The following RPL21 variants were observed in gnomAD, a reference collection of about 807,000 sequenced individuals.
RPL21 encodes large ribosomal subunit protein eL21.
Under a neutral mutation model 21.2 loss-of-function variants are expected in RPL21, and 1 was observed. The ratio of observed to expected loss-of-function variants is 0.05; its 90% CI spans 0.02 to 0.22. The LOEUF is 0.22. Ranked by LOEUF, RPL21 falls within the 10% of genes least tolerant of loss-of-function variation. The probability of loss-of-function intolerance (pLI) is 1.00; values close to 1 mark genes in which losing one functional copy is unlikely to be tolerated. For synonymous variants in RPL21, 52 were observed against 62.9 expected (o/e 0.83, Z 0.82); for missense variants, 113 against 199.4 (o/e 0.57, Z 2.61).
intron 4 of RPL21, chr13:27,255,642 G>C: frequency 2.0e-6 from 1 of 494,788 alleles, no homozygotes; most frequent in Non-Finnish European, 3.9e-6. Context: ...TGGGATCTCT[G>C]CTCTCTGCAA....
rs772442788 is a variant in RPL21, at chr13:27,255,373, C to G, written c.242+19C>G. The stretch of plus-strand genomic sequence containing the variant: ...AAGTTAAGTAAGTAGTGTTGTAGTT[C>G]TTTGTGGCTAACCAGTATTCCCTCA... On this transcript the variant is annotated intron_variant, in intron 4 of 5. Transcript: ENST00000311549. 2 of 981,726 alleles carry G rather than the reference C, an allele frequency of 2.0e-6. No individual in the cohort carries two copies. The highest frequency in any genetic ancestry group is 1.7e-6 in the Non-Finnish European group (1 of 602,238). 60.8% of individuals were successfully genotyped at this position (981,726 alleles called of 1,614,324 possible).
chr13:27,254,720 T>C (rs776663415), intron 3 of RPL21, among the ~76,000 whole-genome samples: 2 of 152,134 alleles, frequency 1.3e-5, no homozygotes, highest in Non-Finnish European at 2.9e-5. Context: ...AAGGGGTTTC[T>C]CCATGTTGGT....
rs529124391 is a variant in RPL21, at chr13:27,254,178, T to G, written c.68-42T>G. 1.2e-5 allele frequency: 15 copies of G among 1,226,944 alleles called. No individual in the cohort carries two copies. The South Asian group carries it at 1.8e-4, about 15-fold the overall frequency. The allele number at this position is 1,226,944 out of a possible 1,614,324, so 76.0% of individuals were successfully genotyped here. ...AAAATTGCATTTCTTTTACTCTAGA[T>G]TTTTAGCCTTAATACTCACTATACC... On this transcript the variant is annotated intron_variant, in intron 2 of 5. Transcript: ENST00000311549.
intron 1 of RPL21, among the ~76,000 whole-genome samples, chr13:27,252,594 A>C (rs967508141): frequency 1.3e-5 from 2 of 151,854 alleles, no homozygotes; most frequent in Non-Finnish European, 2.9e-5. Context: ...TGGTGATTCC[A>C]CAAAGTGACT....
At position 27,255,236 on chromosome 13, in the gene RPL21, T is replaced by C. The variant is rs748392465; in HGVS notation, c.130-6T>C. On this transcript the variant is annotated splice_polypyrimidine_tract_variant and splice_region_variant and intron_variant, in intron 3 of 5. Transcript: ENST00000311549. ...TGCTGGTATATAACATTGGTTTCTTTAATAGGGAATGGGTACTGTTCAAAA... is the reference window on the plus strand; with the variant it reads ...TGCTGGTATATAACATTGGTTTCTTCAATAGGGAATGGGTACTGTTCAAAA... The C allele has an allele frequency of 5.1e-6, 6 of 1,186,660 alleles. No homozygotes were observed. The highest frequency in any genetic ancestry group is 4.5e-5 in the African/African-American group (3 of 66,462). 73.5% of individuals were successfully genotyped at this position (1,186,660 alleles called of 1,614,324 possible).
chr13:27,254,086 G>T (rs1881774435), intron 2 of RPL21, 134 bp from the exon 3 acceptor site: 1 of 727,568 alleles, frequency 1.4e-6, no homozygotes, highest in Non-Finnish European at 2.5e-6. Flanking sequence ...GCTGTCAGGA[G>T]AAATTGTCCA....
intron 3 of RPL21, chr13:27,254,829 A>T (rs966470985): frequency 6.8e-5 from 24 of 355,248 alleles, no homozygotes; most frequent in South Asian, 4.7e-4. Flanking sequence ...CCTAGAATGG[A>T]TTTTTTAAAG....
chr13:27,255,174 C>T lies in RPL21; in HGVS notation c.130-68C>T, dbSNP rs752555371. 2.3e-5 allele frequency: 18 copies of T among 794,888 alleles called. No individual in the cohort carries two copies. The Middle Eastern group carries it at 1.1e-3, about 49-fold the overall frequency. 49.2% of individuals were successfully genotyped at this position (794,888 alleles called of 1,614,324 possible). On this transcript the variant is annotated intron_variant, in intron 3 of 5. Coordinates refer to ENST00000311549, the MANE Select transcript of RPL21 (RefSeq NM_000982.4). ...TTGAAAGAAATCTTAGAATACTTTG[C>T]AGTTACTTAAAGTCAGAATTTTAAA...
intron 1 of RPL21, among the ~76,000 whole-genome samples, chr13:27,252,573 AT>A (rs1254236175): frequency 6.6e-6 from 1 of 152,122 alleles, no homozygotes; most frequent in African/African-American, 2.4e-5. Context: ...GAGTTAACTG[AT>A]TATGCCACTT....
intron 2 of RPL21, 78 bp downstream of exon 2, chr13:27,253,921 T>A: frequency 1.2e-6 from 1 of 865,094 alleles, no homozygotes; most frequent in Non-Finnish European, 2.0e-6. Flanking sequence ...TTGTAGTTCA[T>A]AGAATGTGTA....
In RPL21 at chr13:27,255,053, C is replaced by A. The variant is rs146725259; in HGVS notation, c.130-189C>A. The A allele has an allele frequency of 9.2e-3, 6,947 of 755,666 alleles. 60 individuals carry two copies. Among genetic ancestry groups the A allele is most frequent in the Middle Eastern group, 0.012 (50 of 4,084 alleles). 46.8% of individuals were successfully genotyped at this position (755,666 alleles called of 1,614,324 possible). On this transcript the variant is annotated intron_variant, in intron 3 of 5. Coordinates refer to ENST00000311549, the MANE Select transcript of RPL21 (RefSeq NM_000982.4). The stretch of plus-strand genomic sequence containing the variant: ...TTCTGTGACCTGGATTTAAATGTAT[C>A]TTGGCACTCGAGCTTAATGATGACT...
chr13:27,253,006 G>A (rs967570548), intron 1 of RPL21, among the ~76,000 whole-genome samples: 3 of 152,320 alleles, frequency 2.0e-5, no homozygotes, highest in East Asian at 1.9e-4. Context: ...ATTTCTAAAT[G>A]CCTGTAGGTG....
chr13:27,255,606 CTG>C (rs199850894), intron 4 of RPL21: 6,853 of 592,282 alleles, frequency 0.012, 135 homozygotes, highest in Non-Finnish European at 0.011. Context: ...GAGTCTTGCT[CTG>C]TCGCCCTGGC....
intron 4 of RPL21, 46 bp from the exon 5 acceptor site, chr13:27,256,138 G>A (rs1593262826): frequency 6.9e-7 from 1 of 1,456,400 alleles, no homozygotes; most frequent in Non-Finnish European, 9.5e-7. Flanking sequence ...CTACATTTCT[G>A]TTATATTTTT....
intron 3 of RPL21, chr13:27,254,967 T>G: frequency 1.7e-6 from 1 of 580,402 alleles, no homozygotes; most frequent in Non-Finnish European, 3.2e-6. Context: ...GTGCAAAGTT[T>G]AATTATTGAT....
rs1333354586 is a variant in RPL21, at chr13:27,255,313, T to A, written c.201T>A (p.Val67=). The A allele has an allele frequency of 1.4e-6, 2 of 1,476,966 alleles. No individual in the cohort carries two copies. The allele number at this position is 1,476,966 out of a possible 1,614,324, so 91.5% of individuals were successfully genotyped here. A position where few individuals can be genotyped will look rare whatever the true frequency, so the allele number is the denominator to read the frequency against. ...YHGKTGRVYN[V]TQHAVGIVVN... is the part of the protein sequence containing the mutation. ...GCAAAACTGGAAGAGTCTACAATGT[T>A]ACCCAGCATGCTGTTGGCATTGTTG... Residue 67 remains valine, a synonymous_variant, in exon 4 of 6, where the codon GTT becomes GTA. Transcript: ENST00000311549.
rs549877792 is a variant in RPL21, at chr13:27,256,417, T to C, written c.394-19T>C. 3.9e-5 allele frequency: 60 copies of C among 1,519,736 alleles called. No homozygotes were observed. The African/African-American group carries it at 5.5e-4, about 14-fold the overall frequency. The allele number at this position is 1,519,736 out of a possible 1,614,324, so 94.1% of individuals were successfully genotyped here. On this transcript the variant is annotated intron_variant, in intron 5 of 5. Transcript: ENST00000311549. Reference sequence around the variant, plus strand: ...CACATCACATAATTATTTTATTCCCTTTTTTTTTCCTTTAATAGCCTGCTC... The same window carrying C: ...CACATCACATAATTATTTTATTCCCCTTTTTTTTCCTTTAATAGCCTGCTC...
chr13:27,254,143 A>T, intron 2 of RPL21, 77 bp from the exon 3 acceptor site: 1 of 906,656 alleles, frequency 1.1e-6, no homozygotes, highest in Non-Finnish European at 1.9e-6. Context: ...TATATGTGTT[A>T]AAAGCTAGTA....
intron 1 of RPL21, among the ~76,000 whole-genome samples, chr13:27,252,661 T>C (rs904430666): frequency 2.0e-5 from 3 of 152,238 alleles, no homozygotes; most frequent in African/African-American, 4.8e-5. Context: ...TTTGGAACTT[T>C]ATACACATCT....
Sources: allele counts gnomAD v4.1 joint callset (sites outside exome capture counted in the v4.1 genomes callset), GRCh38; gene constraint gnomAD v4.1.1; transcripts MANE v1.5; gene names NCBI Gene and HGNC (gene_info 2026-07-23, HGNC 2026-07-21).